The following DNAI7 variants were observed in gnomAD, a reference collection of about 807,000 sequenced individuals.
The protein encoded by DNAI7 is dynein axonemal intermediate chain 7.
A neutral mutation model predicts 86.6 loss-of-function variants in DNAI7; 78 were observed. That is an observed-to-expected ratio of 0.90 (90% CI 0.75 to 1.09). The LOEUF (loss-of-function observed/expected upper bound fraction) is 1.09. DNAI7 is among the 50% of genes least tolerant of loss of function. The pLI is 0.00. For synonymous variants in DNAI7, 274 were observed against 273.0 expected (o/e 1.00, Z -0.04); for missense variants, 753 against 810.2 (o/e 0.93, Z 0.86).
chr12:25,120,618 G>T (rs1484864560), intron 11 of DNAI7, among the ~76,000 whole-genome samples: 1 of 151,966 alleles, frequency 6.6e-6, no homozygotes, highest in Non-Finnish European at 1.5e-5. Context: ...CCCAGCTACC[G>T]GGAGGCTGAG....
chr12:25,188,544 T>G (rs1481618691), intron 2 of DNAI7, among the ~76,000 whole-genome samples: 3 of 152,114 alleles, frequency 2.0e-5, no homozygotes, highest in Non-Finnish European at 2.9e-5. Context: ...ATCTCCAAAC[T>G]GCAATATTTA....
chr12:25,112,861 G>C (rs73081707), intron 13 of DNAI7, among the ~76,000 whole-genome samples: 12,053 of 152,104 alleles, frequency 0.079, 559 homozygotes, highest in Non-Finnish European at 0.1. Context: ...TACAGTTAGA[G>C]CATGTGCTAA....
At chr12:25,177,713 G>C (rs148941196) in intron 2 of DNAI7, among the ~76,000 whole-genome samples, 3 of 152,180 alleles carry the variant, frequency 2.0e-5, no homozygotes, top group East Asian at 3.9e-4. Flanking sequence ...CTTTACTAAA[G>C]ATGAACTGTC....
intron 3 of DNAI7, among the ~76,000 whole-genome samples, chr12:25,160,890 C>A (rs964964329): frequency 2.6e-5 from 4 of 151,998 alleles, no homozygotes; most frequent in African/African-American, 4.8e-5. Flanking sequence ...TTTAACTGGG[C>A]TCTTGTATTT....
At chr12:25,163,675 CCT>C (rs1413395763) in intron 2 of DNAI7, among the ~76,000 whole-genome samples, 5 of 152,174 alleles carry the variant, frequency 3.3e-5, no homozygotes, top group South Asian at 4.1e-4. Flanking sequence ...AGATCAATCC[CCT>C]GTCCTGCTTT....
chr12:25,125,697 G>T lies in DNAI7; in HGVS notation c.1003-2411C>A, dbSNP rs145291371. 1.3e-3 allele frequency among the ~76,000 whole-genome samples: 205 copies of T among 152,180 alleles called. 1 individual carries two copies. The highest frequency in any genetic ancestry group is 4.8e-3 in the African/African-American group (199 of 41,508). On this transcript the variant is annotated intron_variant, in intron 9 of 15. Coordinates refer to ENST00000395987, the MANE Select transcript of DNAI7 (RefSeq NM_018272.5). The stretch of plus-strand genomic sequence containing the variant: ...GAAATCTTTGCCCATCCTATGTCCA[G>T]GATTGTATTGCCTGGGTTGTCTTTC...
chr12:25,170,206 C>T (rs183504418), intron 2 of DNAI7, among the ~76,000 whole-genome samples: 1 of 152,126 alleles, frequency 6.6e-6, no homozygotes, highest in African/African-American at 2.4e-5. Context: ...GCCTGACCAA[C>T]ATGGTGAAAC....
At chr12:25,109,723 G>A (rs1949638325) in intron 15 of DNAI7, among the ~76,000 whole-genome samples, 1 of 151,956 alleles carries the variant, frequency 6.6e-6, no homozygotes, top group Non-Finnish European at 1.5e-5. Flanking sequence ...TTGTTGCCCA[G>A]GCTGGAGTGC....
At chr12:25,173,580 A>T (rs1948375364) in intron 2 of DNAI7, among the ~76,000 whole-genome samples, 1 of 152,134 alleles carries the variant, frequency 6.6e-6, no homozygotes, top group African/African-American at 2.4e-5. Flanking sequence ...CTATCATTTG[A>T]TCCAGCAATC....
At chr12:25,150,601 C>CAAAAAA (rs58511191) in intron 6 of DNAI7, among the ~76,000 whole-genome samples, 10 of 89,002 alleles carry the variant, frequency 1.1e-4, no homozygotes, top group Admixed American at 4.1e-4. Context: ...GACTCTGTCT[C>CAAAAAA]AAAAAAAAAA....
intron 6 of DNAI7, among the ~76,000 whole-genome samples, chr12:25,150,235 T>C (rs1945335046): frequency 1.3e-5 from 2 of 152,112 alleles, no homozygotes; most frequent in Non-Finnish European, 1.5e-5. Context: ...TGACCTCTGA[T>C]TGGGGAAAAT....
At position 25,147,037 on chromosome 12, in the gene DNAI7, G is replaced by T. The variant is rs757099515; in HGVS notation, c.653C>A (p.Thr218Asn). 5 of 1,604,766 alleles carry T rather than the reference G, an allele frequency of 3.1e-6. No homozygotes were observed. In the African/African-American group the frequency reaches 6.7e-5, roughly 21 times the overall value. ...CTTGAGGTTTGCCCACACATACAGA[G>T]TAACATTTTCATCTTTAATGACTTT... The part of the protein sequence containing the change: ...MEKVIKDENV[T>N]LYVWANLKKN... The change falls in exon 8 of 16, where the codon ACT (threonine) becomes AAT (asparagine). Residue 218 changes from threonine to asparagine, a missense_variant. Thr to Asn is a moderately conservative substitution (Grantham distance 65). Transcript: ENST00000395987.
At chr12:25,164,412 C>T (rs1463245822) in intron 2 of DNAI7, among the ~76,000 whole-genome samples, 1 of 151,994 alleles carries the variant, frequency 6.6e-6, no homozygotes, top group Non-Finnish European at 1.5e-5. Flanking sequence ...GGCAAGCTCC[C>T]GCCCTCCATT....
intron 4 of DNAI7, 141 bp from the exon 5 acceptor site, chr12:25,155,553 T>A (rs560602946): frequency 8.6e-5 from 42 of 489,564 alleles, no homozygotes; most frequent in African/African-American, 7.9e-4. Context: ...ATAACTGATA[T>A]CTCCAAAAGG....
chr12:25,173,897 T>C (rs1356519722), intron 2 of DNAI7, among the ~76,000 whole-genome samples: 1 of 144,382 alleles, frequency 6.9e-6, no homozygotes, highest in African/African-American at 2.6e-5. Flanking sequence ...TTCATATATA[T>C]ACCACATCAT....
chr12:25,179,137 G>T (rs73071264), intron 2 of DNAI7, among the ~76,000 whole-genome samples: 2,797 of 151,554 alleles, frequency 0.018, 49 homozygotes, highest in South Asian at 0.069. Context: ...ATTACTTCTT[G>T]ACCCATTTTA....
intron 9 of DNAI7, among the ~76,000 whole-genome samples, chr12:25,137,867 A>G (rs1943726235): frequency 6.6e-6 from 1 of 152,218 alleles, no homozygotes. Context: ...ATATGCACTT[A>G]ACACTGGAGT....
Position 25,144,486 on chromosome 12 carries a change from A to G in DNAI7, c.881T>C (p.Val294Ala). Residue 294 changes from valine to alanine, a missense_variant, in exon 9 of 16, where the codon GTA becomes GCA. Transcript: ENST00000395987. The part of the protein sequence containing the change: ...TELVKDDVKN[V>A]EKAISKEVEE... ...GACCTCCTTGCTGATTGCTTTTTCT[A>G]CATTCTTAACATCATCTTTGACAAG... 8 of 1,614,012 alleles carry G rather than the reference A, an allele frequency of 5.0e-6. No homozygotes were observed. The highest frequency in any genetic ancestry group is 1.3e-5 in the African/African-American group (1 of 74,992).
chr12:25,173,741 T>C (rs1948393422), intron 2 of DNAI7, among the ~76,000 whole-genome samples: 1 of 151,552 alleles, frequency 6.6e-6, no homozygotes, highest in Non-Finnish European at 1.5e-5. Context: ...CTGTGATATA[T>C]ATATATACAC....
Sources: gnomAD v4.1 joint callset for allele counts (sites outside exome capture counted in the v4.1 genomes callset) on GRCh38, gnomAD v4.1.1 for gene constraint, MANE v1.5 for transcripts, NCBI Gene and HGNC (gene_info 2026-07-23, HGNC 2026-07-21) for gene names.